The following TDRP variants were observed in gnomAD, a reference collection of about 807,000 sequenced individuals.
TDRP encodes testis development related protein.
In TDRP, 12 loss-of-function variants were observed where a neutral mutation model predicts 10.5. That is an observed-to-expected ratio of 1.15 (90% CI 0.73 to 1.86). The LOEUF is 1.86. TDRP is among the 40% of genes most tolerant of loss of function. The probability of loss-of-function intolerance (pLI) is 0.00; values close to 1 mark genes in which losing one functional copy is unlikely to be tolerated. For synonymous variants in TDRP, 139 were observed against 95.4 expected (o/e 1.46, Z -2.67); for missense variants, 353 against 229.2 (o/e 1.54, Z -3.49).
rs532331785 is a variant in TDRP, at chr8:503,937, C to T, written c.109-9340G>A. Among the ~76,000 whole-genome samples, 8 of 143,704 alleles carry T rather than the reference C, an allele frequency of 5.6e-5. 1 individual carries two copies. Among genetic ancestry groups the T allele is most frequent in the Non-Finnish European group, 1.1e-4 (7 of 63,646 alleles). 94.3% of individuals were successfully genotyped at this position (143,704 alleles called of 152,430 possible). On this transcript the variant is annotated intron_variant, in intron 1 of 2. Transcript: ENST00000324079. The stretch of plus-strand genomic sequence containing the variant: ...CACGCACCAACATGGAATCCAGAGC[C>T]ACACAATGGAACCAATGCCCACCTC...
At chr8:533,366 G>T (rs1262897175) in intron 1 of TDRP, among the ~76,000 whole-genome samples, 2 of 152,114 alleles carry the variant, frequency 1.3e-5, no homozygotes, top group Non-Finnish European at 2.9e-5. Flanking sequence ...GACTGTCAGG[G>T]CACGCCCTTC....
intron 1 of TDRP, among the ~76,000 whole-genome samples, chr8:530,497 A>C (rs1802162459): frequency 1.3e-5 from 2 of 152,282 alleles, no homozygotes; most frequent in South Asian, 4.1e-4. Flanking sequence ...GGCTTGGTAC[A>C]GGAGAAGAAC....
intron 1 of TDRP, among the ~76,000 whole-genome samples, chr8:538,297 G>T (rs546167072): frequency 3.0e-4 from 45 of 152,346 alleles, no homozygotes; most frequent in African/African-American, 1.1e-3. Flanking sequence ...CAGACATCAA[G>T]GGTGAGGAGG....
At chr8:543,941 GGT>G (rs1453091526) in intron 1 of TDRP, among the ~76,000 whole-genome samples, 1 of 131,424 alleles carries the variant, frequency 7.6e-6, no homozygotes, top group African/African-American at 2.8e-5. Flanking sequence ...GGGGGGAGGG[GGT>G]GGGGGAGGGC....
intron 1 of TDRP, among the ~76,000 whole-genome samples, chr8:504,110 C>T (rs1801387405): frequency 6.6e-6 from 1 of 152,222 alleles, no homozygotes; most frequent in African/African-American, 2.4e-5. Context: ...GTGTCGGAAC[C>T]CAGTCCACCT....
intron 1 of TDRP, among the ~76,000 whole-genome samples, chr8:508,400 G>C (rs1272982671): frequency 1.3e-5 from 2 of 152,188 alleles, no homozygotes. Context: ...AATTGACTCA[G>C]TTCCACATGG....
At position 492,306 on chromosome 8, in the gene TDRP, C is replaced by G. The variant is rs1039431042; in HGVS notation, c.*93G>C. The G allele has an allele frequency of 8.0e-6, 11 of 1,376,416 alleles. No homozygotes were observed. Among genetic ancestry groups the G allele is most frequent in the Non-Finnish European group, 9.4e-6 (10 of 1,062,322 alleles). 85.3% of individuals were successfully genotyped at this position (1,376,416 alleles called of 1,614,324 possible). On this transcript the variant is annotated 3_prime_UTR_variant, in exon 3 of 3. Coordinates refer to ENST00000324079, the MANE Select transcript of TDRP (RefSeq NM_001384899.1). Reference sequence around the variant, plus strand: ...ATCAAATATAGGCAAAAAGTAGACTCTCTATTCTTTCTAACGCGGAAAAGA... The same window carrying G: ...ATCAAATATAGGCAAAAAGTAGACTGTCTATTCTTTCTAACGCGGAAAAGA...
chr8:503,729 ATC>A (rs1294542503), intron 1 of TDRP, among the ~76,000 whole-genome samples: 6 of 148,714 alleles, frequency 4.0e-5, no homozygotes, highest in Admixed American at 2.7e-4. Context: ...AGAGCTACAC[ATC>A]AGAACCCGTG....
chr8:512,961 G>T (rs904484440), intron 1 of TDRP, among the ~76,000 whole-genome samples: 5 of 89,494 alleles, frequency 5.6e-5, no homozygotes, highest in African/African-American at 2.0e-4. Flanking sequence ...GACAGAGCAA[G>T]ATTTCACCTC....
chr8:519,937 G>C lies in TDRP; in HGVS notation c.108+24713C>G, dbSNP rs529114657. Among the ~76,000 whole-genome samples the C allele has an allele frequency of 7.9e-5, 12 of 152,322 alleles. No individual in the cohort carries two copies. The East Asian group carries it at 2.3e-3, about 29-fold the overall frequency. ...AAGCTTCTAAGGAAATATATGACCA[G>C]ATAAGTGGGCAATTTATGTGCTTTA... On this transcript the variant is annotated intron_variant, in intron 1 of 2. Coordinates refer to ENST00000324079, the MANE Select transcript of TDRP (RefSeq NM_001384899.1).
rs75533326 is a variant in TDRP, at chr8:506,932, C to A, written c.109-12335G>T. ...CAATGGGGAGGTATTAGTTCATTCT[C>A]ACACTGCTATAAAGAATAATACCTG... On this transcript the variant is annotated intron_variant, in intron 1 of 2. Transcript: ENST00000324079. Among the ~76,000 whole-genome samples, 122 of 152,260 alleles carry A rather than the reference C, an allele frequency of 8.0e-4. 3 individuals carry two copies. The East Asian group carries it at 0.023, about 28-fold the overall frequency.
At chr8:517,946 G>C (rs1801800356) in intron 1 of TDRP, among the ~76,000 whole-genome samples, 1 of 152,168 alleles carries the variant, frequency 6.6e-6, no homozygotes, top group East Asian at 1.9e-4. Flanking sequence ...TGGTTGCAAA[G>C]GGTTCAGGGG....
Position 527,706 on chromosome 8 carries a change from C to G in TDRP, c.108+16944G>C, listed in dbSNP as rs1002772747. On this transcript the variant is annotated intron_variant, in intron 1 of 2. Coordinates refer to ENST00000324079, the MANE Select transcript of TDRP (RefSeq NM_001384899.1). ...TCTGGGAAAACTGGATATCCACATG[C>G]AGAAGAATGAAACTAGACTCCTATT... is the stretch of plus-strand genomic sequence containing the variant. 2.6e-5 allele frequency among the ~76,000 whole-genome samples: 4 copies of G among 152,094 alleles called. No individual in the cohort carries two copies. In the East Asian group the frequency reaches 7.7e-4, roughly 29 times the overall value.
intron 1 of TDRP, among the ~76,000 whole-genome samples, chr8:516,215 C>G (rs1801753891): frequency 1.3e-5 from 2 of 152,096 alleles, no homozygotes; most frequent in Admixed American, 1.3e-4. Flanking sequence ...TCACATCTAA[C>G]CTATTCCCTT....
chr8:509,024 T>C (rs116600796), intron 1 of TDRP, among the ~76,000 whole-genome samples: 201 of 152,312 alleles, frequency 1.3e-3, no homozygotes, highest in African/African-American at 4.6e-3. Context: ...AGCTCCAAAA[T>C]AATCTCCTTT....
At position 491,671 on chromosome 8, in the gene TDRP, C is replaced by T. The variant is rs559432066; in HGVS notation, c.*728G>A. On this transcript the variant is annotated 3_prime_UTR_variant, in exon 3 of 3. Transcript: ENST00000324079. Reference sequence around the variant, plus strand: ...TAAAATTGATCCATACTTCTTTAATCTGTAAACAAAAAAGAGAGCAAATGT... The same window carrying T: ...TAAAATTGATCCATACTTCTTTAATTTGTAAACAAAAAAGAGAGCAAATGT... 250 of 1,513,498 alleles carry T rather than the reference C, an allele frequency of 1.7e-4. 1 individual carries two copies. The African/African-American group carries it at 2.9e-3, about 18-fold the overall frequency. 93.8% of individuals were successfully genotyped at this position (1,513,498 alleles called of 1,614,324 possible).
chr8:534,247 T>C (rs1802284917), intron 1 of TDRP, among the ~76,000 whole-genome samples: 1 of 152,228 alleles, frequency 6.6e-6, no homozygotes, highest in Non-Finnish European at 1.5e-5. Context: ...AAATACAGTT[T>C]AATCTCATTA....
intron 1 of TDRP, among the ~76,000 whole-genome samples, chr8:522,143 G>A (rs1427073166): frequency 6.6e-6 from 1 of 152,156 alleles, no homozygotes. Flanking sequence ...TACATACAAG[G>A]TCAGACAGTC....
intron 1 of TDRP, among the ~76,000 whole-genome samples, chr8:533,971 A>G (rs1374992): frequency 0.68 from 103,599 of 152,094 alleles, 35,619 homozygotes; most frequent in Admixed American, 0.72. Context: ...TACTGTATTG[A>G]AAATTGAGCC....
Sources: gnomAD v4.1 joint callset for allele counts (sites outside exome capture counted in the v4.1 genomes callset) on GRCh38, gnomAD v4.1.1 for gene constraint, MANE v1.5 for transcripts, NCBI Gene and HGNC (gene_info 2026-07-23, HGNC 2026-07-21) for gene names.